Variants in NRXN2 observed in about 807,000 individuals in gnomAD.
NRXN2 encodes the protein neurexin 2, also known as neurexin-2-beta.
A neutral mutation model predicts 128.8 loss-of-function variants in NRXN2; 29 were observed. That is an observed-to-expected ratio of 0.23 (90% CI 0.17 to 0.31). The LOEUF (loss-of-function observed/expected upper bound fraction) is 0.31. Among genes scored for constraint, NRXN2 ranks in the 10% least tolerant of loss-of-function variants. The pLI, the probability that NRXN2 is intolerant of heterozygous loss-of-function variation, is 1.00. For missense variants in NRXN2, 1,881 were observed against 2,452.6 expected (o/e 0.77, Z 4.92); for synonymous variants, 1,098 against 1,075.2 (o/e 1.02, Z -0.41).
At position 64,661,081 on chromosome 11, in the gene NRXN2, A is replaced by C. The variant is rs750250203; in HGVS notation, c.1857T>G (p.Ile619Met). 1.9e-6 allele frequency: 3 copies of C among 1,613,558 alleles called. No homozygotes were observed. Among genetic ancestry groups the C allele is most frequent in the Non-Finnish European group, 1.7e-6 (2 of 1,180,020 alleles). The change falls in exon 10 of 23, where the codon ATT (isoleucine) becomes ATG (methionine). Residue 619 changes from isoleucine to methionine, a missense_variant. Physicochemically the swap from Ile to Met is conservative, Grantham distance 10. Around this residue, in one of 7 missense-constraint regions of NRXN2, gnomAD observed 997 missense variants for 1,240.8 expected, o/e 0.80. Transcript: ENST00000265459. ...TPFLATGDSEILDLESELYLG... is the reference protein window; with the variant it reads ...TPFLATGDSEMLDLESELYLG... ...GGTACAGCTCACTCTCCAGGTCCAG[A>C]ATCTCGCTGTCTCCAGTGGCCAAGA...
At chr11:64,640,371 T>A (rs1345955284) in intron 17 of NRXN2, among the ~76,000 whole-genome samples, 3 of 152,130 alleles carry the variant, frequency 2.0e-5, no homozygotes, top group African/African-American at 7.2e-5. Flanking sequence ...TCTTCCACAC[T>A]CTCTTCATCC....
chr11:64,668,492 T>A lies in NRXN2; in HGVS notation c.1310A>T (p.Asp437Val). The A allele has an allele frequency of 6.2e-7, 1 of 1,613,724 alleles. No individual in the cohort carries two copies. The highest frequency in any genetic ancestry group is 8.5e-7 in the Non-Finnish European group (1 of 1,179,930). The change falls in exon 8 of 23, where the codon GAC (aspartate) becomes GTC (valine). Residue 437 changes from aspartate (D) to valine (V), a missense_variant. Asp to Val is a radical substitution (Grantham distance 152). Transcript: ENST00000265459. ...GTTGCTGACGGGCGAGCCCGGCAGG[T>A]CAGCTGTGTTGGGGCTGCCCCCAAT... Reference protein sequence around the residue: ...FYIGGSPNTADLPGSPVSNNF... With the variant: ...FYIGGSPNTAVLPGSPVSNNF...
At chr11:64,703,352 G>A (rs1001620002) in intron 2 of NRXN2, among the ~76,000 whole-genome samples, 4 of 152,004 alleles carry the variant, frequency 2.6e-5, no homozygotes, top group Non-Finnish European at 2.9e-5. Context: ...TCCTTTACCC[G>A]CCACTGCTAC....
At position 64,648,190 on chromosome 11, in the gene NRXN2, A is replaced by T; in HGVS notation, c.3403+29T>A. On this transcript the variant is annotated intron_variant, in intron 17 of 22. Coordinates refer to ENST00000265459, the MANE Select transcript of NRXN2 (RefSeq NM_015080.4). The surrounding 1 kb of genome is among the most constrained non-coding windows in gnomAD (Gnocchi z 4.1). ...CTGGGAATGGACCCTGGTCTCCCCA[A>T]ACTGCCCCCAGCCCTCCCAGGCACT... 6.2e-7 allele frequency: 1 copy of T among 1,614,002 alleles called. No homozygotes were observed. The highest frequency in any genetic ancestry group is 8.5e-7 in the Non-Finnish European group (1 of 1,179,986).
chr11:64,651,055 T>C lies in NRXN2; in HGVS notation c.2918+200A>G, dbSNP rs1024140437. On this transcript the variant is annotated intron_variant, in intron 14 of 22. Transcript: ENST00000265459. The surrounding 1 kb of genome is among the most constrained non-coding windows in gnomAD (Gnocchi z 5.9). ...CAGGGAACTCTGGCAAGGAAGCAGC[T>C]GGGGAGTCAGCAGTGGAAGAGGGTG... is the stretch of plus-strand genomic sequence containing the variant. Among the ~76,000 whole-genome samples, 26 of 152,154 alleles carry C rather than the reference T, an allele frequency of 1.7e-4. No individual in the cohort carries two copies. Among genetic ancestry groups the C allele is most frequent in the Non-Finnish European group, 3.7e-4 (25 of 68,016 alleles).
chr11:64,704,885 T>C (rs1347158543), intron 2 of NRXN2, among the ~76,000 whole-genome samples: 1 of 152,202 alleles, frequency 6.6e-6, no homozygotes, highest in African/African-American at 2.4e-5. Flanking sequence ...GTTCCAGCTA[T>C]TATGCTTAGG....
In NRXN2 at chr11:64,660,929, A is replaced by T. The variant is rs781288723; in HGVS notation, c.2009T>A (p.Leu670His). 1 of 1,613,702 alleles carries T rather than the reference A, an allele frequency of 6.2e-7. No homozygotes were observed. The highest frequency in any genetic ancestry group is 8.5e-7 in the Non-Finnish European group (1 of 1,179,850). The stretch of plus-strand genomic sequence containing the variant: ...CCCCTGAGCCTCAGCCAGGCCCCGG[A>T]GGTCTCGGCTACGCCCATCTATGAA... ...DLFIDGRSRDLRGLAEAQGAV... is the reference protein window; with the variant it reads ...DLFIDGRSRDHRGLAEAQGAV... The change falls in exon 10 of 23, where the codon CTC becomes CAC. Residue 670 changes from leucine to histidine, a missense_variant. Physicochemically the swap from Leu to His is moderately conservative, Grantham distance 99. This residue lies in a region of NRXN2 where 997 missense variants were observed against 1,240.8 expected (regional missense o/e 0.80). Transcript: ENST00000265459. This position sits in a 1 kb window ranked among gnomAD's most constrained non-coding sequence, Gnocchi z 5.2.
At chr11:64,671,063 T>C (rs1393704201) in intron 7 of NRXN2, among the ~76,000 whole-genome samples, 1 of 152,150 alleles carries the variant, frequency 6.6e-6, no homozygotes, top group Non-Finnish European at 1.5e-5. Context: ...GGAAACACCC[T>C]CCTCAGTTTC....
chr11:64,648,435 C>T lies in NRXN2; in HGVS notation c.3284-97G>A, dbSNP rs972887933. ...TTCAGAGCCAGGCAGAGAGGTCCTA[C>T]TCTGAGCTCTGCCTGGCTGAAAGGG... is the stretch of plus-strand genomic sequence containing the variant. On this transcript the variant is annotated intron_variant, in intron 16 of 22. Transcript: ENST00000265459. The surrounding 1 kb of genome is among the most constrained non-coding windows in gnomAD (Gnocchi z 4.1). 8.2e-6 allele frequency: 13 copies of T among 1,575,932 alleles called. No homozygotes were observed. Among genetic ancestry groups the T allele is most frequent in the Non-Finnish European group, 1.0e-5 (12 of 1,150,286 alleles).
At chr11:64,702,502 C>G (rs2055622491) in intron 2 of NRXN2, among the ~76,000 whole-genome samples, 1 of 151,732 alleles carries the variant, frequency 6.6e-6, no homozygotes, top group Non-Finnish European at 1.5e-5. Flanking sequence ...TGACCTTACC[C>G]CCAACCCTGT....
At chr11:64,636,282 TCTC>T (rs1170875893) in intron 17 of NRXN2, among the ~76,000 whole-genome samples, 3 of 151,658 alleles carry the variant, frequency 2.0e-5, no homozygotes, top group Non-Finnish European at 4.4e-5. Flanking sequence ...CCCTTCTCCT[TCTC>T]TTCTTCGCCA....
At chr11:64,674,114 T>C (rs995136866) in intron 7 of NRXN2, among the ~76,000 whole-genome samples, 3 of 151,886 alleles carry the variant, frequency 2.0e-5, no homozygotes, top group Non-Finnish European at 4.4e-5. Context: ...CCTGGGCTCA[T>C]GCACTCTTCC....
chr11:64,689,369 C>A lies in NRXN2; in HGVS notation c.850+1036G>T, dbSNP rs140221695. Among the ~76,000 whole-genome samples, 311 of 152,144 alleles carry A rather than the reference C, an allele frequency of 2.0e-3. 1 individual carries two copies. Among genetic ancestry groups the A allele is most frequent in the African/African-American group, 7.1e-3 (293 of 41,510 alleles). On this transcript the variant is annotated intron_variant, in intron 5 of 22. Transcript: ENST00000265459. ...ACAGGCATGAGCCACCGTGCCTGGCCTCAATGAATAAATTAACTCCTCTGA... is the reference window on the plus strand; with the variant it reads ...ACAGGCATGAGCCACCGTGCCTGGCATCAATGAATAAATTAACTCCTCTGA...
chr11:64,656,384 C>CGGGAATTTCACAGTAAGT (rs1555057084), intron 11 of NRXN2, among the ~76,000 whole-genome samples: 3 of 150,482 alleles, frequency 2.0e-5, no homozygotes, highest in African/African-American at 7.4e-5. Context: ...GCAGAACTAA[C>CGGGAATTTCACAGTAAGT]GGGAATTTCA....
intron 3 of NRXN2, 43 bp from the exon 4 acceptor site, chr11:64,692,919 G>A (rs557729208): frequency 7.3e-6 from 11 of 1,507,056 alleles, no homozygotes; most frequent in Admixed American, 1.8e-5. Context: ...AAAAAAAGAA[G>A]AAGAAAAAAG....
chr11:64,630,412 C>G lies in NRXN2; in HGVS notation c.3747G>C (p.Arg1249=). The change falls in exon 19 of 23, where the codon CGG becomes CGC. Residue 1249 remains arginine, a synonymous_variant. Coordinates refer to ENST00000265459, the MANE Select transcript of NRXN2 (RefSeq NM_015080.4). This position sits in a 1 kb window ranked among gnomAD's most constrained non-coding sequence, Gnocchi z 4.6. ...LQVDSWPVNE[R]YPAGNFDNER... is the part of the protein sequence containing the mutation. ...GCCCGCGCCGCCTACCTGCCGGGTACCGCTCGTTGACCGGCCAGCTGTCCA... is the reference window on the plus strand; with the variant it reads ...GCCCGCGCCGCCTACCTGCCGGGTAGCGCTCGTTGACCGGCCAGCTGTCCA... 1 of 1,611,876 alleles carries G rather than the reference C, an allele frequency of 6.2e-7. No individual in the cohort carries two copies. The highest frequency in any genetic ancestry group is 8.5e-7 in the Non-Finnish European group (1 of 1,179,454).
rs781472220 is a variant in NRXN2, at chr11:64,685,915, T to C, written c.883A>G (p.Asn295Asp). 1.9e-6 allele frequency: 3 copies of C among 1,614,166 alleles called. No homozygotes were observed. Among genetic ancestry groups the C allele is most frequent in the Non-Finnish European group, 2.5e-6 (3 of 1,180,022 alleles). The change falls in exon 6 of 23, where the codon AAT (asparagine) becomes GAT (aspartate). Residue 295 changes from asparagine (N) to aspartate (D), a missense_variant. Around this residue, in one of 7 missense-constraint regions of NRXN2, gnomAD observed 997 missense variants for 1,240.8 expected, o/e 0.80. Transcript: ENST00000265459. The part of the protein sequence containing the change: ...KEEFVATFKG[N>D]EFFCYDLSHN... ...GACAGGTCGTAGCAGAAGAACTCAT[T>C]GCCTTTGAAGGTCGCCACAAACTCC...
In NRXN2 at chr11:64,648,666, G is replaced by T; in HGVS notation, c.3283+68C>A. ...GGCAGAGCAAAGGCTACCTGCCCCG[G>T]TCTGCCTCTGCAGCTGGCCATCCTG... is the stretch of plus-strand genomic sequence containing the variant. On this transcript the variant is annotated intron_variant, in intron 16 of 22. Coordinates refer to ENST00000265459, the MANE Select transcript of NRXN2 (RefSeq NM_015080.4). This position sits in a 1 kb window ranked among gnomAD's most constrained non-coding sequence, Gnocchi z 4.1. 6.3e-7 allele frequency: 1 copy of T among 1,596,200 alleles called. No homozygotes were observed. Among genetic ancestry groups the T allele is most frequent in the Non-Finnish European group, 8.6e-7 (1 of 1,165,578 alleles).
At chr11:64,676,662 G>C (rs1449489961) in intron 7 of NRXN2, 2 of 441,874 alleles carry the variant, frequency 4.5e-6, no homozygotes, top group Non-Finnish European at 8.1e-6. Flanking sequence ...ATCGGGGCTG[G>C]TCTAACCAGA....
Sources: gnomAD v4.1 joint callset for allele counts (sites outside exome capture counted in the v4.1 genomes callset) on GRCh38, gnomAD v4.1.1 for gene constraint, gnomAD v4.1.1 regional missense constraint, Gnocchi (gnomAD v3.1) non-coding constraint, MANE v1.5 for transcripts, NCBI Gene and HGNC (gene_info 2026-07-23, HGNC 2026-07-21) for gene names.